USH2A: variants seen among roughly 807,000 people sequenced by gnomAD.
USH2A encodes the protein Usher syndrome 2A (autosomal recessive, mild).
Under a neutral mutation model 538.9 loss-of-function variants are expected in USH2A, and 443 were observed. The ratio of observed to expected loss-of-function variants is 0.82; its 90% CI spans 0.76 to 0.89. USH2A has a LOEUF of 0.89. USH2A is among the 40% of genes least tolerant of loss of function. The pLI is 0.00. For synonymous variants in USH2A, 2,413 were observed against 2,273.5 expected, an observed-to-expected ratio of 1.06 and a Z score of -1.75; for missense variants, 6,633 against 6,324.8, an observed-to-expected ratio of 1.05 and a Z score of -1.65.
chr1:216,186,753 C>G (rs779624402), intron 20 of USH2A, among the ~76,000 whole-genome samples: 24 of 151,828 alleles, frequency 1.6e-4, no homozygotes, highest in Non-Finnish European at 3.1e-4. Flanking sequence ...GTTTATTTCT[C>G]CCATCTGTTC....
intron 14 of USH2A, among the ~76,000 whole-genome samples, chr1:216,230,328 AT>A (rs1303973072): frequency 1.3e-5 from 2 of 152,082 alleles, no homozygotes; most frequent in Non-Finnish European, 1.5e-5. Context: ...AGTGCTTTTT[AT>A]TTACTATTTA....
At chr1:216,085,525 TG>T (rs2032102080) in intron 24 of USH2A, among the ~76,000 whole-genome samples, 1 of 152,154 alleles carries the variant, frequency 6.6e-6, no homozygotes, top group Non-Finnish European at 1.5e-5. Context: ...TCCTTTCCTA[TG>T]GGGGCAAAGC....
At chr1:216,245,470 TGAGAGAGAGAGA>T (rs10535828) in intron 13 of USH2A, among the ~76,000 whole-genome samples, 2,405 of 114,234 alleles carry the variant, frequency 0.021, 78 homozygotes, top group Admixed American at 0.095. Flanking sequence ...AGTCCCCTTC[TGAGAGAGAGAGA>T]GAGAGAGAGA....
intron 15 of USH2A, among the ~76,000 whole-genome samples, chr1:216,217,073 A>C (rs972454871): frequency 6.6e-6 from 1 of 152,072 alleles, no homozygotes; most frequent in Admixed American, 6.6e-5. Flanking sequence ...TGATTTTACC[A>C]TTAAAAGTCT....
intron 59 of USH2A, 71 bp downstream of exon 59, chr1:215,743,106 C>T: frequency 2.2e-5 from 34 of 1,556,576 alleles, no homozygotes; most frequent in Non-Finnish European, 2.9e-5. Context: ...GAATGTATTC[C>T]TTTTTAATGA....
intron 58 of USH2A, among the ~76,000 whole-genome samples, chr1:215,750,390 T>G (rs530417994): frequency 6.6e-6 from 1 of 152,272 alleles, no homozygotes; most frequent in African/African-American, 2.4e-5. Context: ...TTTGTAACTT[T>G]TAGGGTGTCC....
chr1:216,413,774 T>C (rs762037216), intron 3 of USH2A, among the ~76,000 whole-genome samples: 26 of 152,106 alleles, frequency 1.7e-4, no homozygotes, highest in Non-Finnish European at 3.1e-4. Flanking sequence ...TGCTAAATCA[T>C]TTCTTGGTTC....
At chr1:215,919,794 A>G (rs982727162) in intron 38 of USH2A, among the ~76,000 whole-genome samples, 1 of 152,072 alleles carries the variant, frequency 6.6e-6, no homozygotes, top group African/African-American at 2.4e-5. Context: ...CTAACAACAT[A>G]AGAAATTTAG....
chr1:215,811,455 G>A lies in USH2A; in HGVS notation c.9739+2281C>T, dbSNP rs191345834. Among the ~76,000 whole-genome samples the A allele has an allele frequency of 1.5e-3, 225 of 152,232 alleles. 1 individual carries two copies. Among genetic ancestry groups the A allele is most frequent in the African/African-American group, 5.1e-3 (211 of 41,540 alleles). On this transcript the variant is annotated intron_variant, in intron 49 of 71. Coordinates refer to ENST00000307340, the MANE Select transcript of USH2A (RefSeq NM_206933.4). The stretch of plus-strand genomic sequence containing the variant: ...ACTCTTTATTCTGAGGGACCAGCTA[G>A]TATCACCCAGACCAGTAAACTGGCT...
At chr1:216,167,254 A>G (rs1488314832) in intron 21 of USH2A, among the ~76,000 whole-genome samples, 1 of 152,036 alleles carries the variant, frequency 6.6e-6, no homozygotes, top group East Asian at 1.9e-4. Flanking sequence ...CCCACCAGAA[A>G]TGTCAGGCAA....
chr1:216,359,769 T>G (rs1268820522), intron 4 of USH2A, among the ~76,000 whole-genome samples: 1 of 152,030 alleles, frequency 6.6e-6, no homozygotes. Context: ...ATAATGAGTT[T>G]GGCAAGGTCA....
chr1:216,311,241 C>A (rs1383313632), intron 9 of USH2A, among the ~76,000 whole-genome samples: 1 of 152,174 alleles, frequency 6.6e-6, no homozygotes, highest in African/African-American at 2.4e-5. Context: ...CCTTTAGGCA[C>A]TCATGACGCT....
At chr1:216,276,602 G>T (rs1571650042) in intron 11 of USH2A, among the ~76,000 whole-genome samples, 1 of 152,060 alleles carries the variant, frequency 6.6e-6, no homozygotes, top group African/African-American at 2.4e-5. Context: ...TTTCACGCTG[G>T]TGATAAAGAC....
At chr1:216,089,379 A>G (rs2032237189) in intron 22 of USH2A, among the ~76,000 whole-genome samples, 1 of 152,124 alleles carries the variant, frequency 6.6e-6, no homozygotes, top group Non-Finnish European at 1.5e-5. Context: ...TCACCTTTGC[A>G]GTAAGAATTT....
intron 21 of USH2A, among the ~76,000 whole-genome samples, chr1:216,107,024 C>G (rs1251473332): frequency 1.3e-5 from 2 of 151,450 alleles, no homozygotes; most frequent in African/African-American, 4.8e-5. Flanking sequence ...CTTTTATGGC[C>G]CAGCATATTA....
chr1:216,397,410 T>G (rs1406066395), intron 3 of USH2A, among the ~76,000 whole-genome samples: 1 of 152,174 alleles, frequency 6.6e-6, no homozygotes, highest in Non-Finnish European at 1.5e-5. Context: ...TGTTTCTTGA[T>G]GTATCTATTG....
rs1444931764 is a variant in USH2A at position 216,411,425 on chromosome 1, T to C, written c.651+7089A>G. On this transcript the variant is annotated intron_variant, in intron 3 of 71. Transcript: ENST00000307340. ...TATTTGGGTAGTGTCTTTTTGGATG[T>C]AATTGTTAAGATGAGTCCTACCGAA... 2.0e-5 allele frequency among the ~76,000 whole-genome samples: 3 copies of C among 152,116 alleles called. No homozygotes were observed. The East Asian group carries it at 5.8e-4, about 29-fold the overall frequency.
In USH2A at chr1:216,200,052, T is replaced by C. The variant is rs1572042929; in HGVS notation, c.3386A>G (p.Asn1129Ser). The part of the protein sequence containing the change: ...TKYSYYIETT[N>S]VHGSTRSVAV... Reference sequence around the variant, plus strand: ...TACACTCCTTGTTGAACCATGCACATTGGTGGTCTCAATGTAATAGGAATA... The same window carrying C: ...TACACTCCTTGTTGAACCATGCACACTGGTGGTCTCAATGTAATAGGAATA... The change falls in exon 17 of 72, where the codon AAT becomes AGT. Residue 1129 changes from asparagine to serine, a missense_variant. Transcript: ENST00000307340. 4 of 1,613,972 alleles carry C rather than the reference T, an allele frequency of 2.5e-6. No individual in the cohort carries two copies. The highest frequency in any genetic ancestry group is 2.2e-5 in the South Asian group (2 of 91,076).
At chr1:215,694,320 T>A (rs1346031613) in intron 61 of USH2A, among the ~76,000 whole-genome samples, 1 of 152,198 alleles carries the variant, frequency 6.6e-6, no homozygotes, top group African/African-American at 2.4e-5. Flanking sequence ...ACACCTGTAA[T>A]CCCAGCACTT....
Sources: allele counts gnomAD v4.1 joint callset (sites outside exome capture counted in the v4.1 genomes callset), GRCh38; gene constraint gnomAD v4.1.1; transcripts MANE v1.5; gene names NCBI Gene and HGNC (gene_info 2026-07-23, HGNC 2026-07-21).